Variants in CAND2 observed in about 807,000 individuals in gnomAD.
The protein encoded by CAND2 is cullin-associated NEDD8-dissociated protein 2.
A neutral mutation model predicts 98.9 loss-of-function variants in CAND2; 62 were observed. The observed-to-expected ratio is 0.63, with a 90% CI of 0.51 to 0.77. The LOEUF (loss-of-function observed/expected upper bound fraction) is 0.77. CAND2 is among the 30% of genes least tolerant of loss of function. The pLI is 0.00. For synonymous variants in CAND2, 770 were observed against 731.9 expected (o/e 1.05, Z -0.84); for missense variants, 1,501 against 1,655.2 (o/e 0.91, Z 1.62).
At chr3:12,797,023 G>A (rs1055853055) in intron 1 of CAND2, among the ~76,000 whole-genome samples, 1 of 151,550 alleles carries the variant, frequency 6.6e-6, no homozygotes, top group East Asian at 1.9e-4. Context: ...TCCAGTCCCT[G>A]CTTCGTCTCC....
Position 12,833,824 on chromosome 3 carries a change from G to A in CAND2, c.3553G>A (p.Val1185Met), listed in dbSNP as rs773498332. 1.8e-5 allele frequency: 29 copies of A among 1,614,096 alleles called. No homozygotes were observed. The highest frequency in any genetic ancestry group is 2.4e-5 in the Non-Finnish European group (28 of 1,180,040). Residue 1185 changes from valine to methionine, a missense_variant, in exon 15 of 15, where the codon GTG becomes ATG. Around this residue, in one of 3 missense-constraint regions of CAND2, gnomAD observed 1,427 missense variants for 1,545.3 expected, o/e 0.92. Coordinates refer to ENST00000456430, the MANE Select transcript of CAND2 (RefSeq NM_001162499.2). Reference sequence around the variant, plus strand: ...ACTGAAGCGCTCTGCAATGAGGGCAGTGGCTGCCCTGCTGACCATCCCCGA... The same window carrying A: ...ACTGAAGCGCTCTGCAATGAGGGCAATGGCTGCCCTGCTGACCATCCCCGA... ...DELKRSAMRA[V>M]AALLTIPEVG...
rs747152991 is a variant in CAND2 at position 12,827,407 on chromosome 3, G to A, written c.3211-33G>A. ...CTAGAAGAGGTGTCCTTACACCCTG[G>A]GGCCATATCACCAACCTTCATCCCT... On this transcript the variant is annotated intron_variant, in intron 12 of 14. Transcript: ENST00000456430. 1.0e-5 allele frequency: 16 copies of A among 1,597,688 alleles called. No individual in the cohort carries two copies. The South Asian group carries it at 1.8e-4, about 18-fold the overall frequency.
rs1374048247 is a variant in CAND2 at position 12,816,759 on chromosome 3, C to T, written c.1827C>T (p.Asp609=). 2 of 1,613,574 alleles carry T rather than the reference C, an allele frequency of 1.2e-6. No homozygotes were observed. The highest frequency in any genetic ancestry group is 1.7e-6 in the Non-Finnish European group (2 of 1,180,034). ...VGHLGDRLGD[D]LEPTLLLLLD... ...ACCTGGGTGACCGGCTTGGGGATGA[C>T]CTGGAGCCCACGTTACTGCTCCTCC... Residue 609 remains aspartate, a synonymous_variant, in exon 10 of 15, where the codon GAC becomes GAT. Transcript: ENST00000456430.
chr3:12,817,764 C>G lies in CAND2; in HGVS notation c.2832C>G (p.Arg944=), dbSNP rs2061921716. The G allele has an allele frequency of 1.3e-6, 2 of 1,560,596 alleles. No homozygotes were observed. The highest frequency in any genetic ancestry group is 1.7e-6 in the Non-Finnish European group (2 of 1,154,480). ...ACATCTGGGCCTTGCTGTTCCAGCG[C>G]TGCGAGGGTGCTGAGGAGGGCACCC... The part of the protein sequence containing the change: ...AEDIWALLFQ[R]CEGAEEGTRG... Residue 944 remains arginine, a synonymous_variant, in exon 10 of 15, where the codon CGC becomes CGG. Coordinates refer to ENST00000456430, the MANE Select transcript of CAND2 (RefSeq NM_001162499.2).
At chr3:12,810,806 C>T (rs898396565) in intron 5 of CAND2, among the ~76,000 whole-genome samples, 1 of 152,170 alleles carries the variant, frequency 6.6e-6, no homozygotes, top group Non-Finnish European at 1.5e-5. Context: ...TACAATAAAC[C>T]GCACTATTTA....
At chr3:12,833,091 C>A (rs1270601736) in intron 14 of CAND2, among the ~76,000 whole-genome samples, 1 of 152,208 alleles carries the variant, frequency 6.6e-6, no homozygotes, top group Non-Finnish European at 1.5e-5. Context: ...ACACAGGACT[C>A]TGCAACTCCA....
intron 14 of CAND2, 121 bp from the exon 15 acceptor site, chr3:12,833,634 G>A (rs1418917403): frequency 8.8e-6 from 7 of 792,100 alleles, no homozygotes; most frequent in South Asian, 4.8e-5. Context: ...AGGAGACCTC[G>A]CAGCAGGGAT....
At chr3:12,812,221 CTTTTTTT>C (rs531439250) in intron 5 of CAND2, among the ~76,000 whole-genome samples, 1,714 of 74,562 alleles carry the variant, frequency 0.023, 130 homozygotes, top group African/African-American at 0.093. Context: ...AGCTGTTTAT[CTTTTTTT>C]TTTTTTTTTT....
chr3:12,829,113 T>C (rs1364021278), intron 13 of CAND2, among the ~76,000 whole-genome samples: 1 of 152,206 alleles, frequency 6.6e-6, no homozygotes, highest in Non-Finnish European at 1.5e-5. Flanking sequence ...TTTAATGTCT[T>C]AAGGAACTGC....
chr3:12,806,446 G>A (rs934563105), intron 2 of CAND2, among the ~76,000 whole-genome samples: 3 of 152,206 alleles, frequency 2.0e-5, no homozygotes, highest in Non-Finnish European at 2.9e-5. Context: ...TGAGACTATA[G>A]CACCCTGGAA....
chr3:12,831,907 A>G (rs1040664811), intron 14 of CAND2, among the ~76,000 whole-genome samples: 5 of 152,180 alleles, frequency 3.3e-5, no homozygotes, highest in Non-Finnish European at 7.3e-5. Context: ...TGAGCCTGAT[A>G]GGTTCCCTAC....
At chr3:12,827,727 G>A in intron 13 of CAND2, 123 bp downstream of exon 13, 1 of 925,708 alleles carries the variant, frequency 1.1e-6, no homozygotes, top group East Asian at 2.5e-5. Flanking sequence ...TAGCTGCATT[G>A]TTGTTTTCTG....
Position 12,810,156 on chromosome 3 carries a change from G to C in CAND2, c.589G>C (p.Gly197Arg). ...CCTGGCGGTGCGCAAGCGGGCGGTCGGAGCGCTTGGCCACCTGGCGGCCGC... is the reference window on the plus strand; with the variant it reads ...CCTGGCGGTGCGCAAGCGGGCGGTCCGAGCGCTTGGCCACCTGGCGGCCGC... ...PRLAVRKRAV[G>R]ALGHLAAACS... Residue 197 changes from glycine (G) to arginine (R), a missense_variant, in exon 5 of 15, where the codon GGA becomes CGA. Gly to Arg is a moderately radical substitution (Grantham distance 125). Transcript: ENST00000456430. The C allele has an allele frequency of 6.6e-7, 1 of 1,526,050 alleles. No homozygotes were observed. 94.5% of individuals were successfully genotyped at this position (1,526,050 alleles called of 1,614,324 possible).
chr3:12,810,700 CTGTT>C (rs1278996976), intron 5 of CAND2, among the ~76,000 whole-genome samples: 1 of 152,226 alleles, frequency 6.6e-6, no homozygotes, highest in African/African-American at 2.4e-5. Flanking sequence ...TGCCACTAAA[CTGTT>C]AGACTATGTT....
In CAND2 at chr3:12,815,891, C is replaced by G. The variant is rs2061894983; in HGVS notation, c.1324C>G (p.Gln442Glu). Residue 442 changes from glutamine to glutamate, a missense_variant, in exon 9 of 15, where the codon CAG (glutamine) becomes GAG (glutamate). Gln to Glu is a conservative substitution (Grantham distance 29). Transcript: ENST00000456430. The surrounding 1 kb of genome is among the most constrained non-coding windows in gnomAD (Gnocchi z 5.7). ...GGTGCCCCTTGTGGTCAAGGCCCTGCAGCGGCAGCTTAAAGATCGGAGCGT... is the reference window on the plus strand; with the variant it reads ...GGTGCCCCTTGTGGTCAAGGCCCTGGAGCGGCAGCTTAAAGATCGGAGCGT... ...GQVPLVVKAL[Q>E]RQLKDRSVRA... 5.0e-6 allele frequency: 8 copies of G among 1,613,630 alleles called. No homozygotes were observed. The highest frequency in any genetic ancestry group is 5.9e-6 in the Non-Finnish European group (7 of 1,179,934).
At chr3:12,819,563 C>T (rs968882678) in intron 10 of CAND2, among the ~76,000 whole-genome samples, 8 of 152,198 alleles carry the variant, frequency 5.3e-5, no homozygotes, top group African/African-American at 1.2e-4. Context: ...TTCTGTTAGG[C>T]CTCCCTGACC....
chr3:12,833,347 C>T, intron 14 of CAND2, among the ~76,000 whole-genome samples: 1 of 152,150 alleles, frequency 6.6e-6, no homozygotes, highest in Non-Finnish European at 1.5e-5. Flanking sequence ...AAGACCATCG[C>T]AGTGATCCAT....
In CAND2 at chr3:12,825,570, G is replaced by A. The variant is rs1488118172; in HGVS notation, c.3141G>A (p.Arg1047=). 1.9e-6 allele frequency: 3 copies of A among 1,611,212 alleles called. No individual in the cohort carries two copies. Among genetic ancestry groups the A allele is most frequent in the Non-Finnish European group, 2.5e-6 (3 of 1,178,932 alleles). ...TGCACAACAAGCCCTCGCTAGTCCG[G>A]GACCTGCTGGATGACATCCTGCCCC... is the stretch of plus-strand genomic sequence containing the variant. ...SAVHNKPSLV[R]DLLDDILPLL... The change falls in exon 12 of 15, where the codon CGG becomes CGA. Residue 1047 remains arginine (R), a synonymous_variant. Coordinates refer to ENST00000456430, the MANE Select transcript of CAND2 (RefSeq NM_001162499.2).
chr3:12,826,666 CCT>C (rs2062002712), intron 12 of CAND2, among the ~76,000 whole-genome samples: 1 of 151,950 alleles, frequency 6.6e-6, no homozygotes, highest in African/African-American at 2.4e-5. Flanking sequence ...CCTGCCTCGG[CCT>C]CTCAAAGTGC....
Sources: allele counts gnomAD v4.1 joint callset (sites outside exome capture counted in the v4.1 genomes callset), GRCh38; gene constraint gnomAD v4.1.1; regional missense constraint gnomAD v4.1.1; non-coding constraint Gnocchi (gnomAD v3.1); transcripts MANE v1.5; gene names NCBI Gene and HGNC (gene_info 2026-07-23, HGNC 2026-07-21).